Variants in DNAH14 observed in about 807,000 individuals in gnomAD.
DNAH14 encodes dynein axonemal heavy chain 14.
DNAH14 carries 478 observed loss-of-function variants against 520.9 expected under a neutral mutation model. The ratio of observed to expected loss-of-function variants is 0.92; its 90% confidence interval spans 0.85 to 0.99. The LOEUF is 0.99. DNAH14 is among the 50% of genes least tolerant of loss of function. The pLI is 0.00. For synonymous variants in DNAH14, 1,581 were observed against 1,757.2 expected (o/e 0.90, Z 2.51); for missense variants, 4,831 against 5,234.5 (o/e 0.92, Z 2.38).
chr1:225,316,558 C>G (rs1458000966), intron 60 of DNAH14, among the ~76,000 whole-genome samples: 1 of 152,160 alleles, frequency 6.6e-6, no homozygotes, highest in Non-Finnish European at 1.5e-5. Context: ...CCAGAATGCA[C>G]CGTCCTTCAT....
At position 225,023,613 on chromosome 1, in the gene DNAH14, AG is replaced by A. The variant is rs1335725758; in HGVS notation, c.1108del. ...GTTTCTCAATTGTTTTTTAAATTGT[AG>A]GTTGCAGAAAAGAATGAAATCAAAG... On this transcript the variant is annotated splice_acceptor_variant, in intron 10 of 85. Transcript: ENST00000682510. LOFTEE classifies it high-confidence loss of function. 1.7e-5 allele frequency: 25 copies of A among 1,508,012 alleles called. No individual in the cohort carries two copies. In the East Asian group the frequency reaches 6.0e-4, roughly 36 times the overall value. The allele number at this position is 1,508,012 out of a possible 1,614,324, so 93.4% of individuals were successfully genotyped here.
At position 225,277,110 on chromosome 1, in the gene DNAH14, A is replaced by AG. The variant is rs1441889735; in HGVS notation, c.8179-293dup. Among the ~76,000 whole-genome samples, 61 of 15,138 alleles carry AG rather than the reference A, an allele frequency of 4.0e-3. 1 individual carries two copies. Among genetic ancestry groups the AG allele is most frequent in the South Asian group, 0.016 (5 of 314 alleles). 9.9% of individuals were successfully genotyped at this position (15,138 alleles called of 152,430 possible). A position where few individuals can be genotyped will look rare whatever the true frequency, so the allele number is the denominator to read the frequency against. ...GGCAAGGGGGGAGGGGGAAAGGGGG[A>AG]GGGGGGGAGGGGGACGGGGAAGGGG... On this transcript the variant is annotated intron_variant, in intron 53 of 85. Coordinates refer to ENST00000682510, the MANE Select transcript of DNAH14 (RefSeq NM_001367479.1).
intron 35 of DNAH14, among the ~76,000 whole-genome samples, chr1:225,163,066 A>C (rs368736452): frequency 6.9e-6 from 1 of 144,850 alleles, no homozygotes; most frequent in South Asian, 2.3e-4. Context: ...TGAACCTGGG[A>C]GACAGAGGTT....
At chr1:225,282,909 G>A (rs1251515671) in intron 54 of DNAH14, among the ~76,000 whole-genome samples, 1 of 151,926 alleles carries the variant, frequency 6.6e-6, no homozygotes, top group East Asian at 1.9e-4. Flanking sequence ...TTGATTGGTA[G>A]GAGTTATTTA....
At chr1:225,225,836 C>T (rs1304003282) in intron 41 of DNAH14, among the ~76,000 whole-genome samples, 1 of 152,102 alleles carries the variant, frequency 6.6e-6, no homozygotes, top group African/African-American at 2.4e-5. Flanking sequence ...CAGCACAATG[C>T]ATAAAACCAT....
intron 28 of DNAH14, 32 bp from the exon 29 acceptor site, chr1:225,144,365 A>T: frequency 6.9e-7 from 1 of 1,454,786 alleles, no homozygotes. Context: ...AATTTAACCA[A>T]ATAATATGAA....
intron 81 of DNAH14, among the ~76,000 whole-genome samples, chr1:225,381,927 C>T (rs2095788769): frequency 6.6e-6 from 1 of 152,182 alleles, no homozygotes; most frequent in Non-Finnish European, 1.5e-5. Flanking sequence ...ATTACTGGGT[C>T]ATGGTCTTAA....
chr1:225,024,283 A>G lies in DNAH14; in HGVS notation c.1358+418A>G, dbSNP rs559929527. The G allele has an allele frequency of 4.2e-5, 41 of 983,662 alleles. No homozygotes were observed. The South Asian group carries it at 1.8e-3, about 44-fold the overall frequency. 60.9% of individuals were successfully genotyped at this position (983,662 alleles called of 1,614,324 possible). On this transcript the variant is annotated intron_variant, in intron 11 of 85. Transcript: ENST00000682510. Reference sequence around the variant, plus strand: ...GTGAGAATTCTGGAAGGAGCTACAAAGTCCAATTGGAATTTGAGTCAATTC... The same window carrying G: ...GTGAGAATTCTGGAAGGAGCTACAAGGTCCAATTGGAATTTGAGTCAATTC...
chr1:225,043,092 C>T lies in DNAH14; in HGVS notation c.1746C>T (p.Tyr582=). 1 of 1,550,778 alleles carries T rather than the reference C, an allele frequency of 6.4e-7. No individual in the cohort carries two copies. Among genetic ancestry groups the T allele is most frequent in the Non-Finnish European group, 8.7e-7 (1 of 1,146,842 alleles). Residue 582 remains tyrosine (Y), a synonymous_variant, in exon 13 of 86, where the codon TAC becomes TAT. Coordinates refer to ENST00000682510, the MANE Select transcript of DNAH14 (RefSeq NM_001367479.1). Reference sequence around the variant, plus strand: ...CCAAGAAATCAAAAGAAATTAGTTACAATCTTGAAGATATTATTTCAGGTA... The same window carrying T: ...CCAAGAAATCAAAAGAAATTAGTTATAATCTTGAAGATATTATTTCAGGTA... ...PKAKKSKEIS[Y]NLEDIISDTE... is the part of the protein sequence containing the mutation.
At chr1:225,362,599 T>C (rs775699307) in intron 75 of DNAH14, among the ~76,000 whole-genome samples, 1 of 147,998 alleles carries the variant, frequency 6.8e-6, no homozygotes, top group African/African-American at 2.5e-5. Context: ...ATGCTCAGCA[T>C]CACTAATCAT....
intron 7 of DNAH14, 73 bp from the exon 8 acceptor site, chr1:224,974,018 G>A: frequency 2.0e-6 from 2 of 1,002,754 alleles, no homozygotes; most frequent in Non-Finnish European, 1.4e-6. Flanking sequence ...GTATTACTAA[G>A]CTTTTACTAA....
At chr1:225,127,234 C>G (rs1323547521) in intron 27 of DNAH14, among the ~76,000 whole-genome samples, 9 of 152,052 alleles carry the variant, frequency 5.9e-5, no homozygotes, top group African/African-American at 1.9e-4. Flanking sequence ...CCACTTGGTG[C>G]AGAGCTGAGT....
chr1:224,999,394 T>TG (rs2063602731), intron 8 of DNAH14, among the ~76,000 whole-genome samples: 1 of 151,876 alleles, frequency 6.6e-6, no homozygotes, highest in Non-Finnish European at 1.5e-5. Flanking sequence ...TTAGTAGAGA[T>TG]GGGGTTCTCC....
chr1:225,300,659 T>A (rs1376498270), intron 55 of DNAH14, among the ~76,000 whole-genome samples: 1 of 151,732 alleles, frequency 6.6e-6, no homozygotes, highest in Non-Finnish European at 1.5e-5. Flanking sequence ...GAGCCATGAC[T>A]ATGCCACTGT....
At chr1:225,044,532 G>C (rs1333900921) in intron 15 of DNAH14, among the ~76,000 whole-genome samples, 2 of 152,062 alleles carry the variant, frequency 1.3e-5, no homozygotes, top group Non-Finnish European at 2.9e-5. Flanking sequence ...AGCTAAGCTG[G>C]TGTCTAATGC....
At chr1:225,007,917 T>C (rs2064311043) in intron 10 of DNAH14, among the ~76,000 whole-genome samples, 1 of 101,756 alleles carries the variant, frequency 9.8e-6, no homozygotes, top group Non-Finnish European at 2.1e-5. Context: ...AGGATGTACA[T>C]TTCTTTTTTC....
intron 27 of DNAH14, among the ~76,000 whole-genome samples, chr1:225,132,946 G>C (rs1447007319): frequency 1.3e-5 from 2 of 151,976 alleles, no homozygotes; most frequent in Non-Finnish European, 2.9e-5. Flanking sequence ...TCTCATTGTA[G>C]TTTTGATTTG....
intron 17 of DNAH14, among the ~76,000 whole-genome samples, chr1:225,063,172 T>C (rs2449325): frequency 0.85 from 129,489 of 152,082 alleles, 58,708 homozygotes; most frequent in Non-Finnish European, 1. Context: ...AAATACAATA[T>C]AGTCATCCTT....
At chr1:225,058,089 A>T (rs1204040864) in intron 17 of DNAH14, among the ~76,000 whole-genome samples, 2 of 152,186 alleles carry the variant, frequency 1.3e-5, no homozygotes, top group African/African-American at 4.8e-5. Flanking sequence ...TGATTGGAAT[A>T]CTTTCAGAAG....
Sources: allele counts gnomAD v4.1 joint callset (sites outside exome capture counted in the v4.1 genomes callset), GRCh38; gene constraint gnomAD v4.1.1; transcripts MANE v1.5; gene names NCBI Gene and HGNC (gene_info 2026-07-23, HGNC 2026-07-21).